SETD3: variants seen among roughly 807,000 people sequenced by gnomAD.
SETD3 encodes the protein actin-histidine N-methyltransferase.
SETD3 carries 19 observed loss-of-function variants against 63.0 expected under a neutral mutation model. That is an observed-to-expected ratio of 0.30 (90% confidence interval 0.21 to 0.44). SETD3 has a LOEUF of 0.44. SETD3 is among the 20% of genes least tolerant of loss of function. The pLI, the probability that SETD3 is intolerant of heterozygous loss-of-function variation, is 1.00. For synonymous variants in SETD3, 286 were observed against 264.1 expected (o/e 1.08, Z -0.80); for missense variants, 587 against 728.5 (o/e 0.81, Z 2.24).
intron 6 of SETD3, among the ~76,000 whole-genome samples, chr14:99,422,321 TAAC>T (rs1356100656): frequency 1.3e-5 from 2 of 152,242 alleles, no homozygotes; most frequent in African/African-American, 4.8e-5. Context: ...TGATAACTCT[TAAC>T]AGCCTCAAAG....
chr14:99,425,881 T>C (rs1331686279), intron 6 of SETD3, among the ~76,000 whole-genome samples: 4 of 152,216 alleles, frequency 2.6e-5, no homozygotes, highest in African/African-American at 4.8e-5. Flanking sequence ...ACATAGGTTT[T>C]TCCAGATCAT....
intron 6 of SETD3, among the ~76,000 whole-genome samples, chr14:99,456,932 T>G (rs1006368566): frequency 1.3e-5 from 2 of 152,218 alleles, no homozygotes; most frequent in Non-Finnish European, 2.9e-5. Context: ...CAGAGCAGGC[T>G]ACCAGCGTTT....
intron 1 of SETD3, among the ~76,000 whole-genome samples, chr14:99,476,746 A>G (rs531952410): frequency 6.6e-6 from 1 of 152,362 alleles, no homozygotes; most frequent in African/African-American, 2.4e-5. Context: ...TAAACCATTT[A>G]GTCGGAAGAC....
chr14:99,457,854 C>T (rs2139770917), intron 6 of SETD3, among the ~76,000 whole-genome samples: 1 of 152,318 alleles, frequency 6.6e-6, no homozygotes, highest in Non-Finnish European at 1.5e-5. Context: ...CGTTGAAAAA[C>T]ATAAATGTTA....
At chr14:99,406,714 C>G in intron 8 of SETD3, 124 bp from the exon 9 acceptor site, 2 of 906,180 alleles carry the variant, frequency 2.2e-6, no homozygotes. Flanking sequence ...AAGGTGGCAT[C>G]TGAATGCTTT....
chr14:99,465,846 T>C (rs578188572), intron 1 of SETD3, 33 bp from the exon 2 acceptor site: 2 of 1,454,700 alleles, frequency 1.4e-6, no homozygotes, highest in African/African-American at 1.4e-5. Context: ...AGAAAAAAAT[T>C]ACATTACCAA....
upstream of SETD3, among the ~76,000 whole-genome samples, chr14:99,482,337 A>G (rs769018132): frequency 2.0e-5 from 3 of 152,198 alleles, no homozygotes; most frequent in Non-Finnish European, 2.9e-5. Context: ...GTGCCCGCTA[A>G]AGGTTTGTAT....
intron 6 of SETD3, among the ~76,000 whole-genome samples, chr14:99,446,928 G>C (rs1894162068): frequency 6.6e-6 from 1 of 151,868 alleles, no homozygotes; most frequent in Non-Finnish European, 1.5e-5. Context: ...ACACCACCGA[G>C]AAGACCCCAG....
At chr14:99,436,647 T>C (rs1373761362) in intron 6 of SETD3, among the ~76,000 whole-genome samples, 1 of 152,186 alleles carries the variant, frequency 6.6e-6, no homozygotes, top group Non-Finnish European at 1.5e-5. Flanking sequence ...TCCACTGTTG[T>C]GTTCTTATGG....
chr14:99,471,545 G>A (rs983702365), intron 1 of SETD3, among the ~76,000 whole-genome samples: 1 of 152,192 alleles, frequency 6.6e-6, no homozygotes, highest in Non-Finnish European at 1.5e-5. Flanking sequence ...TGAGGTGGGA[G>A]GCTCTCTTGA....
At chr14:99,414,095 A>G (rs1332585946) in intron 6 of SETD3, among the ~76,000 whole-genome samples, 161 bp from the exon 7 acceptor site, 2 of 152,286 alleles carry the variant, frequency 1.3e-5, no homozygotes, top group African/African-American at 4.8e-5. Context: ...TCGCGCTGTT[A>G]TGCTCTCATA....
At position 99,398,453 on chromosome 14, in the gene SETD3, GTTGT is replaced by G. The variant is rs548609517; in HGVS notation, c.*222_*225del. 15 of 532,806 alleles carry G rather than the reference GTTGT, an allele frequency of 2.8e-5. No homozygotes were observed. Among genetic ancestry groups the G allele is most frequent in the Admixed American group, 6.7e-5 (2 of 29,714 alleles). The allele number at this position is 532,806 out of a possible 1,614,324, so 33.0% of individuals were successfully genotyped here. A position where few individuals can be genotyped will look rare whatever the true frequency, so the allele number is the denominator to read the frequency against. On this transcript the variant is annotated 3_prime_UTR_variant, in exon 13 of 13. Coordinates refer to ENST00000331768, the MANE Select transcript of SETD3 (RefSeq NM_032233.3). ...AGGCACCTCTTCTCCCTTTCTTGTG[GTTGT>G]TTGTTAATTGGTTTGTTTTGCCTAA...
intron 6 of SETD3, among the ~76,000 whole-genome samples, chr14:99,428,538 C>T (rs539055834): frequency 2.0e-5 from 3 of 152,102 alleles, no homozygotes; most frequent in South Asian, 4.1e-4. Flanking sequence ...CCCACCAACT[C>T]GGAAAGCTGA....
Position 99,413,922 on chromosome 14 carries a change from C to T in SETD3, c.688G>A (p.Ala230Thr). Residue 230 changes from alanine to threonine, a missense_variant, in exon 7 of 13, where the codon GCC becomes ACC. Transcript: ENST00000331768. Reference protein sequence around the residue: ...FYKVIQTHPHANKLPLKDSFT... With the variant: ...FYKVIQTHPHTNKLPLKDSFT... ...GAATCCTTCAAGGGTAGTTTGTTGG[C>T]ATGAGGATGGGTCTGGGAATTAGAA... 6.2e-7 allele frequency: 1 copy of T among 1,614,016 alleles called. No homozygotes were observed. The highest frequency in any genetic ancestry group is 8.5e-7 in the Non-Finnish European group (1 of 1,179,916).
intron 2 of SETD3, 107 bp downstream of exon 2, chr14:99,465,596 G>A: frequency 1.2e-6 from 1 of 847,506 alleles, no homozygotes; most frequent in South Asian, 1.7e-5. Flanking sequence ...TAATAAGCTT[G>A]GACCTGAATA....
chr14:99,463,602 T>G, intron 2 of SETD3, 24 bp from the exon 3 acceptor site: 1 of 1,568,816 alleles, frequency 6.4e-7, no homozygotes, highest in Non-Finnish European at 8.8e-7. Context: ...GGCATGGTAC[T>G]GAAACACTTC....
chr14:99,432,094 T>C (rs541938247), intron 6 of SETD3, among the ~76,000 whole-genome samples: 46 of 152,294 alleles, frequency 3.0e-4, no homozygotes, highest in Admixed American at 2.1e-3. Context: ...CCACCTACTT[T>C]ACTAAGATTC....
At chr14:99,435,826 A>T (rs1307455906) in intron 6 of SETD3, among the ~76,000 whole-genome samples, 2 of 151,190 alleles carry the variant, frequency 1.3e-5, no homozygotes. Context: ...TGAATAACTG[A>T]CAAAGAAAGA....
chr14:99,409,071 A>C lies in SETD3; in HGVS notation c.850-2481T>G, dbSNP rs575115540. On this transcript the variant is annotated intron_variant, in intron 8 of 12. Transcript: ENST00000331768. ...TAGGAGAGGAGGGGTTGGGAAGGCC[A>C]GGGCTGGTCCAGGGGCAGCCACCCG... is the stretch of plus-strand genomic sequence containing the variant. Among the ~76,000 whole-genome samples the C allele has an allele frequency of 1.6e-4, 24 of 152,304 alleles. 1 individual carries two copies. In the East Asian group the frequency reaches 3.9e-3, roughly 25 times the overall value.
Sources: allele counts gnomAD v4.1 joint callset (sites outside exome capture counted in the v4.1 genomes callset), GRCh38; gene constraint gnomAD v4.1.1; transcripts MANE v1.5; gene names NCBI Gene and HGNC (gene_info 2026-07-23, HGNC 2026-07-21).